Variants in KCNN2 observed in about 807,000 individuals in gnomAD.
The protein encoded by KCNN2 is potassium calcium-activated channel subfamily N member 2, also known as small conductance calcium-activated potassium channel protein 2.
Under a neutral mutation model 55.5 loss-of-function variants are expected in KCNN2, and 24 were observed. That is an observed-to-expected ratio of 0.43 (90% CI 0.31 to 0.61). KCNN2 has a LOEUF of 0.61. KCNN2 is among the 20% of genes least tolerant of loss of function. The probability of loss-of-function intolerance (pLI) is 0.08; values close to 1 mark genes in which losing one functional copy is unlikely to be tolerated. For synonymous variants in KCNN2, 431 were observed against 336.1 expected (o/e 1.28, Z -3.09); for missense variants, 754 against 853.6 (o/e 0.88, Z 1.45).
At chr5:114,345,974 G>T (rs1757097691) in intron 2 of KCNN2, among the ~76,000 whole-genome samples, 1 of 151,956 alleles carries the variant, frequency 6.6e-6, no homozygotes, top group African/African-American at 2.4e-5. Context: ...GTAGAGACAG[G>T]GTCTCACCAT....
At chr5:114,261,693 T>G (rs974484652) in intron 2 of KCNN2, among the ~76,000 whole-genome samples, 7 of 152,220 alleles carry the variant, frequency 4.6e-5, no homozygotes, top group Non-Finnish European at 7.3e-5. Flanking sequence ...ACTCCACCTA[T>G]GTATTGCCAA....
At chr5:114,245,801 C>T (rs1754738740) in intron 2 of KCNN2, among the ~76,000 whole-genome samples, 1 of 152,152 alleles carries the variant, frequency 6.6e-6, no homozygotes, top group African/African-American at 2.4e-5. Flanking sequence ...GGGCCTTTAG[C>T]AAGTTGGAGA....
In KCNN2 at chr5:114,408,504, C is replaced by A. The variant is rs545659076; in HGVS notation, c.1637+3648C>A. Among the ~76,000 whole-genome samples, 3 of 152,114 alleles carry A rather than the reference C, an allele frequency of 2.0e-5. No individual in the cohort carries two copies. In the East Asian group the frequency reaches 5.8e-4, roughly 29 times the overall value. On this transcript the variant is annotated intron_variant, in intron 3 of 7. Transcript: ENST00000673685. ...GACTCCTTATGGTAATGCTTTGTTT[C>A]CTAGCAATCATGGTATTTACAGGCT... is the stretch of plus-strand genomic sequence containing the variant.
intron 2 of KCNN2, among the ~76,000 whole-genome samples, chr5:114,297,911 T>C (rs937104892): frequency 6.6e-6 from 1 of 152,206 alleles, no homozygotes; most frequent in Non-Finnish European, 1.5e-5. Flanking sequence ...ATTTCCCCTG[T>C]GTCTCAGTTT....
intron 2 of KCNN2, among the ~76,000 whole-genome samples, chr5:114,258,522 CATT>C (rs531139321): frequency 1.1e-4 from 17 of 151,988 alleles, no homozygotes; most frequent in Non-Finnish European, 2.2e-4. Flanking sequence ...TCTCACTACT[CATT>C]GTTGGTTTGC....
intron 3 of KCNN2, among the ~76,000 whole-genome samples, chr5:114,428,313 A>C (rs1759687625): frequency 6.6e-6 from 1 of 152,190 alleles, no homozygotes; most frequent in South Asian, 2.1e-4. Flanking sequence ...TTAAAGGGAA[A>C]AGTATTAAAT....
chr5:114,490,825 A>T, intron 6 of KCNN2: 1 of 397,374 alleles, frequency 2.5e-6, no homozygotes. Context: ...ATCCAAAATC[A>T]TGATATTTTC....
At chr5:114,492,724 C>CCT (rs1251706317) in intron 6 of KCNN2, among the ~76,000 whole-genome samples, 2 of 151,868 alleles carry the variant, frequency 1.3e-5, no homozygotes, top group African/African-American at 2.4e-5. Flanking sequence ...CTATAATTGT[C>CCT]CTCTGACTTT....
chr5:114,492,197 C>G (rs938389854), intron 6 of KCNN2, among the ~76,000 whole-genome samples: 5 of 152,106 alleles, frequency 3.3e-5, no homozygotes, highest in Admixed American at 2.6e-4. Flanking sequence ...ATTGGATATC[C>G]TAGTTTCGGA....
intron 1 of KCNN2, among the ~76,000 whole-genome samples, chr5:114,180,610 C>G (rs1009826894): frequency 6.6e-6 from 1 of 152,160 alleles, no homozygotes. Flanking sequence ...ATTTGGCTAT[C>G]TATACATATA....
chr5:114,217,239 T>C (rs1286708888), intron 1 of KCNN2, among the ~76,000 whole-genome samples: 1 of 152,044 alleles, frequency 6.6e-6, no homozygotes, highest in Non-Finnish European at 1.5e-5. Context: ...TTTGTGGATA[T>C]CAATAAACTA....
chr5:114,269,886 A>C (rs1477484534), intron 2 of KCNN2, among the ~76,000 whole-genome samples: 2 of 152,178 alleles, frequency 1.3e-5, no homozygotes, highest in Non-Finnish European at 2.9e-5. Context: ...TAATCAAGGA[A>C]AGGAAAAGAA....
At chr5:114,368,418 C>G (rs550949428) in intron 2 of KCNN2, among the ~76,000 whole-genome samples, 1 of 152,064 alleles carries the variant, frequency 6.6e-6, no homozygotes, top group Non-Finnish European at 1.5e-5. Context: ...TCTCTTCATT[C>G]GTGCACCAAG....
intron 1 of KCNN2, among the ~76,000 whole-genome samples, chr5:114,085,989 TC>T (rs1278262223): frequency 6.6e-6 from 1 of 152,174 alleles, no homozygotes; most frequent in Non-Finnish European, 1.5e-5. Flanking sequence ...TCAGTCTTTA[TC>T]CCTGCTAATA....
chr5:114,332,258 G>A lies in KCNN2; in HGVS notation c.-184-28687G>A, dbSNP rs547162727. Among the ~76,000 whole-genome samples, 7 of 152,290 alleles carry A rather than the reference G, an allele frequency of 4.6e-5. No homozygotes were observed. In the South Asian group the frequency reaches 6.2e-4, roughly 14 times the overall value. ...CTGATAATTAATTAGTGCAGAAAGC[G>A]GATGGCCCACTGCCTGCATGGGATG... On this transcript the variant is annotated intron_variant, in intron 2 of 10. Transcript: ENST00000512097.
intron 1 of KCNN2, among the ~76,000 whole-genome samples, chr5:114,185,348 T>C (rs1753309922): frequency 6.6e-6 from 1 of 152,198 alleles, no homozygotes; most frequent in Admixed American, 6.5e-5. Flanking sequence ...ATAGACAACA[T>C]GAAAATCTTG....
At chr5:114,352,514 A>G (rs965816459) in intron 2 of KCNN2, among the ~76,000 whole-genome samples, 3 of 151,310 alleles carry the variant, frequency 2.0e-5, no homozygotes, top group African/African-American at 7.3e-5. Flanking sequence ...GTAATATGTT[A>G]GCTTATTGAT....
At chr5:114,194,112 A>G (rs971422056) in intron 1 of KCNN2, among the ~76,000 whole-genome samples, 9 of 152,088 alleles carry the variant, frequency 5.9e-5, no homozygotes, top group Non-Finnish European at 1.5e-5. Context: ...AGTTTGTATG[A>G]ATAATATTAC....
intron 1 of KCNN2, among the ~76,000 whole-genome samples, chr5:114,220,410 A>G (rs992046323): frequency 6.6e-6 from 1 of 152,150 alleles, no homozygotes. Flanking sequence ...GATTAAAGCC[A>G]AATTTTATGA....
Sources: allele counts gnomAD v4.1 joint callset (sites outside exome capture counted in the v4.1 genomes callset), GRCh38; gene constraint gnomAD v4.1.1; transcripts MANE v1.5; gene names NCBI Gene and HGNC (gene_info 2026-07-23, HGNC 2026-07-21).